MCCC1: variants seen among roughly 807,000 people sequenced by gnomAD.
MCCC1 encodes methylcrotonoyl-CoA carboxylase subunit alpha, mitochondrial.
A neutral mutation model predicts 83.8 loss-of-function variants in MCCC1; 64 were observed. That is an observed-to-expected ratio of 0.76 (90% CI 0.62 to 0.94). The LOEUF is 0.94. Ranked by LOEUF, MCCC1 falls within the 40% of genes least tolerant of loss-of-function variation. MCCC1 has a pLI of 0.00. For missense variants in MCCC1, 807 were observed against 904.7 expected, an observed-to-expected ratio of 0.89 and a Z score of 1.39; for synonymous variants, 322 against 315.4, an observed-to-expected ratio of 1.02 and a Z score of -0.22.
chr3:183,032,113 GT>G (rs1713132906), intron 14 of MCCC1, among the ~76,000 whole-genome samples: 1 of 152,122 alleles, frequency 6.6e-6, no homozygotes, highest in African/African-American at 2.4e-5. Flanking sequence ...TGCCAAAAGG[GT>G]GTAGTGAACA....
At chr3:183,106,573 A>T (rs1236536194) in intron 1 of MCCC1, among the ~76,000 whole-genome samples, 1 of 151,230 alleles carries the variant, frequency 6.6e-6, no homozygotes, top group Non-Finnish European at 1.5e-5. Flanking sequence ...ATCTCAGCTC[A>T]CTGCAACCTC....
At chr3:183,084,437 A>G (rs1717741835) in intron 4 of MCCC1, among the ~76,000 whole-genome samples, 1 of 152,198 alleles carries the variant, frequency 6.6e-6, no homozygotes, top group African/African-American at 2.4e-5. Flanking sequence ...ATACATATGT[A>G]TATCTCCACG....
intron 8 of MCCC1, among the ~76,000 whole-genome samples, chr3:183,053,534 C>T (rs1052088775): frequency 6.6e-5 from 10 of 151,574 alleles, no homozygotes; most frequent in African/African-American, 1.9e-4. Flanking sequence ...GGGCCAGGCA[C>T]GGTGGCTCAT....
At chr3:183,090,682 C>CG (rs1445575009) in intron 3 of MCCC1, among the ~76,000 whole-genome samples, 1 of 151,990 alleles carries the variant, frequency 6.6e-6, no homozygotes, top group East Asian at 1.9e-4. Context: ...CTCCGCCTCC[C>CG]GGGTTCAAGC....
intron 1 of MCCC1, among the ~76,000 whole-genome samples, chr3:183,097,765 G>A (rs1215642723): frequency 6.6e-6 from 1 of 152,116 alleles, no homozygotes; most frequent in Non-Finnish European, 1.5e-5. Context: ...ACATACTTGA[G>A]GATAGTTCTT....
intron 15 of MCCC1, among the ~76,000 whole-genome samples, chr3:183,024,795 T>C (rs1712448303): frequency 1.3e-5 from 2 of 152,232 alleles, no homozygotes. Flanking sequence ...GCTGGATATA[T>C]ATCCAAAGGA....
rs1405647278 is a variant in MCCC1 at position 183,070,995 on chromosome 3, C to G, written c.761+4G>C. On this transcript the variant is annotated splice_donor_region_variant and intron_variant, in intron 7 of 18. Transcript: ENST00000265594. ...TCTGAGTCAGAAAAATAAGGCCAAC[C>G]CACCTCGGTGTGTCTACAAACTTCT... 2 of 1,613,198 alleles carry G rather than the reference C, an allele frequency of 1.2e-6. No individual in the cohort carries two copies. Among genetic ancestry groups the G allele is most frequent in the South Asian group, 2.2e-5 (2 of 90,962 alleles).
chr3:183,025,949 G>T, intron 14 of MCCC1, 145 bp from the exon 15 acceptor site: 1 of 705,618 alleles, frequency 1.4e-6, no homozygotes, highest in Non-Finnish European at 2.4e-6. Context: ...TGGAAATAAA[G>T]TATTTTGTTA....
In MCCC1 at chr3:183,045,513, T is replaced by A. The variant is rs765301866; in HGVS notation, c.983A>T (p.Lys328Ile). The A allele has an allele frequency of 6.2e-7, 1 of 1,614,112 alleles. No individual in the cohort carries two copies. Among genetic ancestry groups the A allele is most frequent in the East Asian group, 2.2e-5 (1 of 44,888 alleles). ...AGTVEFIMDS[K>I]HNFCFMEMNT... ...CATCTCCATGAAACAGAAATTATGT[T>A]TTGAGTCCATAATAAACTCCACAGT... Residue 328 changes from lysine (K) to isoleucine (I), a missense_variant, in exon 10 of 19, where the codon AAA becomes ATA. Coordinates refer to ENST00000265594, the MANE Select transcript of MCCC1 (RefSeq NM_020166.5).
intron 1 of MCCC1, among the ~76,000 whole-genome samples, chr3:183,097,212 A>G (rs948394935): frequency 2.0e-5 from 3 of 152,028 alleles, no homozygotes; most frequent in African/African-American, 7.2e-5. Context: ...TGCAGTCCGC[A>G]GTCCGGCCTG....
chr3:183,099,079 G>A (rs1303094332), intron 1 of MCCC1: 2 of 572,516 alleles, frequency 3.5e-6, no homozygotes, highest in African/African-American at 3.8e-5. Flanking sequence ...GGAGCCTGGA[G>A]GATGGCGGGC....
chr3:183,015,234 A>T lies in MCCC1; in HGVS notation c.*204T>A. The T allele has an allele frequency of 1.6e-6, 1 of 617,444 alleles. No homozygotes were observed. Among genetic ancestry groups the T allele is most frequent in the East Asian group, 2.9e-5 (1 of 34,884 alleles). 38.2% of individuals were successfully genotyped at this position (617,444 alleles called of 1,614,324 possible). Reference sequence around the variant, plus strand: ...AAACAAACATTGGCTTCCAATAAAAAATAATTCAACTTTATTAGTATGAAA... The same window carrying T: ...AAACAAACATTGGCTTCCAATAAAATATAATTCAACTTTATTAGTATGAAA... On this transcript the variant is annotated 3_prime_UTR_variant, in exon 19 of 19. Coordinates refer to ENST00000265594, the MANE Select transcript of MCCC1 (RefSeq NM_020166.5).
At chr3:183,100,071 G>A (rs1213627843), upstream of MCCC1, among the ~76,000 whole-genome samples, 1 of 151,892 alleles carries the variant, frequency 6.6e-6, no homozygotes, top group African/African-American at 2.4e-5. Flanking sequence ...GGAAGATAAA[G>A]GAATAAATAA....
intron 3 of MCCC1, among the ~76,000 whole-genome samples, chr3:183,088,372 A>G (rs988385173): frequency 1.3e-5 from 2 of 152,006 alleles, no homozygotes; most frequent in African/African-American, 2.4e-5. Context: ...ACGCCCAGCT[A>G]ATTTTTGTAT....
At chr3:183,042,365 T>G (rs933642707) in intron 10 of MCCC1, among the ~76,000 whole-genome samples, 1 of 152,252 alleles carries the variant, frequency 6.6e-6, no homozygotes, top group Non-Finnish European at 1.5e-5. Flanking sequence ...TTAGTTATTA[T>G]GTACCAATAC....
chr3:183,030,502 T>C (rs1712964948), intron 14 of MCCC1, among the ~76,000 whole-genome samples: 1 of 152,152 alleles, frequency 6.6e-6, no homozygotes, highest in Non-Finnish European at 1.5e-5. Context: ...GGCAGCTTAA[T>C]TTCTCCCTCC....
intron 1 of MCCC1, chr3:183,115,402 C>T (rs923350535): frequency 1.3e-5 from 2 of 152,196 alleles, no homozygotes; most frequent in African/African-American, 4.8e-5. Context: ...TCAGTGAATT[C>T]TTGCTCACCC....
chr3:183,082,719 G>A (rs1717602925), intron 4 of MCCC1, among the ~76,000 whole-genome samples: 1 of 152,138 alleles, frequency 6.6e-6, no homozygotes, highest in Non-Finnish European at 1.5e-5. Flanking sequence ...GGCTCACGTC[G>A]GTAACGCCAA....
intron 9 of MCCC1, among the ~76,000 whole-genome samples, chr3:183,051,317 G>A (rs9877289): frequency 0.16 from 24,814 of 151,914 alleles, 2,323 homozygotes; most frequent in East Asian, 0.39. Flanking sequence ...CTGAGACATC[G>A]AGACAACGAA....
Sources: allele counts gnomAD v4.1 joint callset (sites outside exome capture counted in the v4.1 genomes callset), GRCh38; gene constraint gnomAD v4.1.1; transcripts MANE v1.5; gene names NCBI Gene and HGNC (gene_info 2026-07-23, HGNC 2026-07-21).